The following NELL2 variants were observed in gnomAD, a reference collection of about 807,000 sequenced individuals.
The protein encoded by NELL2 is protein kinase C-binding protein NELL2.
NELL2 carries 41 observed loss-of-function variants against 109.6 expected under a neutral mutation model. That is an observed-to-expected ratio of 0.37 (90% CI 0.29 to 0.49). NELL2 has a LOEUF of 0.49. NELL2 is among the 20% of genes least tolerant of loss of function. NELL2 has a pLI of 0.98. For synonymous variants in NELL2, 355 were observed against 344.7 expected (o/e 1.03, Z -0.33); for missense variants, 900 against 1,008.3 (o/e 0.89, Z 1.45).
At position 44,837,465 on chromosome 12, in the gene NELL2, A is replaced by G. The variant is rs373312270; in HGVS notation, c.185-21329T>C. 5.3e-4 allele frequency among the ~76,000 whole-genome samples: 80 copies of G among 152,276 alleles called. 1 individual carries two copies. In the South Asian group the frequency reaches 0.016, roughly 30 times the overall value. On this transcript the variant is annotated intron_variant, in intron 2 of 19. Coordinates refer to ENST00000429094, the MANE Select transcript of NELL2 (RefSeq NM_001145108.2). ...ATTAGGTTTTCCGCTGATAAGTGGT[A>G]GAACTAGGACTTGAGCCCAGGTAGT... is the stretch of plus-strand genomic sequence containing the variant.
chr12:44,840,935 A>G (rs1944208234), intron 2 of NELL2, among the ~76,000 whole-genome samples: 1 of 152,222 alleles, frequency 6.6e-6, no homozygotes, highest in African/African-American at 2.4e-5. Flanking sequence ...ATTTGAGGCG[A>G]TAACAAGTAG....
intron 9 of NELL2, among the ~76,000 whole-genome samples, chr12:44,756,231 C>T (rs1429129678): frequency 6.6e-6 from 1 of 152,098 alleles, no homozygotes; most frequent in East Asian, 1.9e-4. Flanking sequence ...CAATTATGCT[C>T]TGAATCCTAT....
chr12:44,851,494 A>G (rs1944533448), intron 2 of NELL2, among the ~76,000 whole-genome samples: 1 of 152,200 alleles, frequency 6.6e-6, no homozygotes, highest in Admixed American at 6.6e-5. Flanking sequence ...ATAGAATGAT[A>G]TAAATGAAGT....
At chr12:44,765,044 C>T (rs369230548) in intron 9 of NELL2, among the ~76,000 whole-genome samples, 8 of 152,098 alleles carry the variant, frequency 5.3e-5, no homozygotes, top group Non-Finnish European at 1.0e-4. Flanking sequence ...ACACAATCTC[C>T]AGATGATTCC....
intron 2 of NELL2, among the ~76,000 whole-genome samples, chr12:44,854,503 A>G (rs1024828226): frequency 3.9e-5 from 6 of 152,322 alleles, no homozygotes; most frequent in Admixed American, 2.0e-4. Context: ...AAAGTTAACT[A>G]AAAGGAAGGA....
intron 15 of NELL2, among the ~76,000 whole-genome samples, chr12:44,578,173 C>T (rs1944180203): frequency 7.1e-6 from 1 of 141,040 alleles, no homozygotes; most frequent in African/African-American, 2.5e-5. Flanking sequence ...CCCTCTACTT[C>T]TGTGTTTTAA....
rs1317165373 is a variant in NELL2, at chr12:44,562,026, A to C, written c.1664-29305T>G. On this transcript the variant is annotated intron_variant, in intron 15 of 19. Coordinates refer to ENST00000429094, the MANE Select transcript of NELL2 (RefSeq NM_001145108.2). ...TCAGAAATAACGTCACATATCTGTC[A>C]ACATTCATTGACAAACTTGACAAAA... 2.0e-5 allele frequency among the ~76,000 whole-genome samples: 3 copies of C among 151,610 alleles called. No homozygotes were observed. The East Asian group carries it at 5.8e-4, about 29-fold the overall frequency.
intron 3 of NELL2, among the ~76,000 whole-genome samples, chr12:44,811,373 A>T: frequency 6.7e-6 from 1 of 149,666 alleles, no homozygotes; most frequent in African/African-American, 2.4e-5. Flanking sequence ...AAGACATTAT[A>T]TGTTAGAATG....
chr12:44,523,250 C>G, intron 17 of NELL2, 41 bp downstream of exon 17: 1 of 1,603,260 alleles, frequency 6.2e-7, no homozygotes, highest in South Asian at 1.1e-5. Flanking sequence ...ATGCAAATTA[C>G]AACTGAATAA....
intron 9 of NELL2, among the ~76,000 whole-genome samples, chr12:44,765,713 T>A (rs1352134940): frequency 6.6e-6 from 1 of 152,202 alleles, no homozygotes; most frequent in East Asian, 1.9e-4. Context: ...GAACAATTTT[T>A]AAGGCAATTT....
At chr12:44,755,288 A>G (rs1940836043) in intron 9 of NELL2, among the ~76,000 whole-genome samples, 1 of 152,216 alleles carries the variant, frequency 6.6e-6, no homozygotes, top group Non-Finnish European at 1.5e-5. Flanking sequence ...CAGAAGGTAC[A>G]GTTGTTGTCA....
rs539978440 is a variant in NELL2, at chr12:44,723,169, C to T, written c.995-8428G>A. On this transcript the variant is annotated intron_variant, in intron 9 of 19. Coordinates refer to ENST00000429094, the MANE Select transcript of NELL2 (RefSeq NM_001145108.2). ...GCACCACACTGCACTCCAGCCTGGG[C>T]GACAGAGCAAGACTCCGTCTCAAAA... Among the ~76,000 whole-genome samples the T allele has an allele frequency of 1.3e-4, 19 of 150,220 alleles. No individual in the cohort carries two copies. The East Asian group carries it at 1.6e-3, about 12-fold the overall frequency.
intron 1 of NELL2, among the ~76,000 whole-genome samples, chr12:44,889,553 G>T (rs1860292603): frequency 6.6e-6 from 1 of 151,974 alleles, no homozygotes; most frequent in Non-Finnish European, 1.5e-5. Context: ...CCTGTTTAAG[G>T]TTTTCTATTA....
At chr12:44,733,438 A>C (rs1939475521) in intron 9 of NELL2, among the ~76,000 whole-genome samples, 1 of 152,088 alleles carries the variant, frequency 6.6e-6, no homozygotes, top group Non-Finnish European at 1.5e-5. Context: ...CATTAAGCTA[A>C]GTGAAATAAG....
chr12:44,727,346 G>C (rs1195448832), intron 9 of NELL2, among the ~76,000 whole-genome samples: 2 of 151,906 alleles, frequency 1.3e-5, no homozygotes, highest in African/African-American at 2.4e-5. Flanking sequence ...AGTCAATTTA[G>C]GGAGTTTTTA....
chr12:44,574,726 C>T (rs1944008049), intron 15 of NELL2, among the ~76,000 whole-genome samples: 2 of 152,126 alleles, frequency 1.3e-5, no homozygotes, highest in South Asian at 2.1e-4. Flanking sequence ...GTTGCTAGTG[C>T]TTCAGAGATT....
intron 3 of NELL2, among the ~76,000 whole-genome samples, chr12:44,812,747 G>A (rs1943219698): frequency 6.6e-6 from 1 of 152,136 alleles, no homozygotes; most frequent in African/African-American, 2.4e-5. Flanking sequence ...CAGGGCATTA[G>A]TAAAAAGACT....
chr12:44,579,222 C>A (rs1458146904), intron 15 of NELL2, among the ~76,000 whole-genome samples: 1 of 152,152 alleles, frequency 6.6e-6, no homozygotes, highest in African/African-American at 2.4e-5. Context: ...ACATGGGCAA[C>A]CAAGTCTACA....
At chr12:44,684,910 G>C (rs1948661856) in intron 12 of NELL2, among the ~76,000 whole-genome samples, 1 of 152,170 alleles carries the variant, frequency 6.6e-6, no homozygotes, top group African/African-American at 2.4e-5. Context: ...TTGGGGTGGA[G>C]AGTTCTGTAG....
Sources: allele counts gnomAD v4.1 joint callset (sites outside exome capture counted in the v4.1 genomes callset), GRCh38; gene constraint gnomAD v4.1.1; transcripts MANE v1.5; gene names NCBI Gene and HGNC (gene_info 2026-07-23, HGNC 2026-07-21).